Variants in CLVS2 observed in about 807,000 individuals in gnomAD.
The protein encoded by CLVS2 is clavesin 2.
CLVS2 carries 19 observed loss-of-function variants against 29.0 expected under a neutral mutation model. The ratio of observed to expected loss-of-function variants is 0.66; its 90% CI spans 0.46 to 0.96. The LOEUF is 0.96. Among genes scored for constraint, CLVS2 ranks in the 40% least tolerant of loss-of-function variants. The pLI, the probability that CLVS2 is intolerant of heterozygous loss-of-function variation, is 0.00. For missense variants in CLVS2, 294 were observed against 404.1 expected, an observed-to-expected ratio of 0.73 and a Z score of 2.34; for synonymous variants, 161 against 151.3, an observed-to-expected ratio of 1.06 and a Z score of -0.47.
At chr6:123,019,753 G>A (rs1343520685) in intron 3 of CLVS2, among the ~76,000 whole-genome samples, 2 of 152,048 alleles carry the variant, frequency 1.3e-5, no homozygotes, top group African/African-American at 4.8e-5. Flanking sequence ...ATAAGACGTT[G>A]GCTTATGCAG....
At chr6:123,031,607 A>G (rs1775084543) in intron 3 of CLVS2, among the ~76,000 whole-genome samples, 1 of 152,210 alleles carries the variant, frequency 6.6e-6, no homozygotes, top group South Asian at 2.1e-4. Flanking sequence ...GTCTGTGTCT[A>G]CCAAAACCCT....
At chr6:123,010,472 C>G (rs1448383270) in intron 2 of CLVS2, among the ~76,000 whole-genome samples, 2 of 152,032 alleles carry the variant, frequency 1.3e-5, no homozygotes, top group Non-Finnish European at 2.9e-5. Flanking sequence ...ATCTCCTTCT[C>G]TTTCTATCCC....
At chr6:123,027,818 G>A (rs1021121849) in intron 3 of CLVS2, among the ~76,000 whole-genome samples, 1 of 152,082 alleles carries the variant, frequency 6.6e-6, no homozygotes, top group Non-Finnish European at 1.5e-5. Flanking sequence ...AATTAAATAA[G>A]TTGTTATGCA....
chr6:123,030,996 A>G (rs1775076274), intron 3 of CLVS2, among the ~76,000 whole-genome samples: 1 of 151,774 alleles, frequency 6.6e-6, no homozygotes, highest in South Asian at 2.1e-4. Context: ...GCAGTGGCAC[A>G]ATCATGGCTC....
intron 5 of CLVS2, among the ~76,000 whole-genome samples, chr6:123,057,857 C>A (rs1772717116): frequency 2.0e-5 from 3 of 152,136 alleles, no homozygotes; most frequent in African/African-American, 7.2e-5. Context: ...TTCTCAAGAT[C>A]TCTGCTCTCC....
At chr6:123,024,614 G>A (rs891517660) in intron 3 of CLVS2, among the ~76,000 whole-genome samples, 1 of 152,194 alleles carries the variant, frequency 6.6e-6, no homozygotes, top group Admixed American at 6.6e-5. Context: ...ATACCCTGGA[G>A]GGTTCAATAT....
intron 3 of CLVS2, among the ~76,000 whole-genome samples, chr6:123,030,335 A>G (rs1434950936): frequency 6.6e-6 from 1 of 152,160 alleles, no homozygotes; most frequent in East Asian, 1.9e-4. Context: ...TTTAATCTTC[A>G]GTGGAGTCCC....
chr6:123,028,993 G>T (rs2114331043), intron 3 of CLVS2, among the ~76,000 whole-genome samples: 1 of 152,178 alleles, frequency 6.6e-6, no homozygotes, highest in South Asian at 2.1e-4. Context: ...GGTAAGATTA[G>T]TGCTCTTGTA....
chr6:123,064,696 A>G lies in CLVS2; in HGVS notation c.*935A>G. 6.6e-6 allele frequency: 1 copy of G among 151,834 alleles called. No individual in the cohort carries two copies. The highest frequency in any genetic ancestry group is 2.4e-5 in the African/African-American group (1 of 41,482). The allele number at this position is 151,834 out of a possible 1,614,324, so 9.4% of individuals were successfully genotyped here. A position where few individuals can be genotyped will look rare whatever the true frequency, so the allele number is the denominator to read the frequency against. Reference sequence around the variant, plus strand: ...TATATATATATATATATTCACACATATATATTTTTACTGAGCTCTAATAAA... The same window carrying G: ...TATATATATATATATATTCACACATGTATATTTTTACTGAGCTCTAATAAA... On this transcript the variant is annotated 3_prime_UTR_variant, in exon 6 of 6. Coordinates refer to ENST00000275162, the MANE Select transcript of CLVS2 (RefSeq NM_001010852.4).
At chr6:123,032,860 G>A (rs1342678302) in intron 3 of CLVS2, among the ~76,000 whole-genome samples, 1 of 152,020 alleles carries the variant, frequency 6.6e-6, no homozygotes, top group Non-Finnish European at 1.5e-5. Context: ...AGTTTCTTCA[G>A]GTATGAAATT....
chr6:122,997,912 C>A lies in CLVS2; in HGVS notation c.135C>A (p.Gly45=). The change falls in exon 2 of 6, where the codon GGC becomes GGA. Residue 45 remains glycine (G), a synonymous_variant. Coordinates refer to ENST00000275162, the MANE Select transcript of CLVS2 (RefSeq NM_001010852.4). ...RDMVITRPDI[G]FLRTDDAFIL... is the part of the protein sequence containing the mutation. ...TGGTCATCACCAGGCCGGACATTGG[C>A]TTTCTGCGCACGGATGATGCCTTCA... 1 of 1,614,216 alleles carries A rather than the reference C, an allele frequency of 6.2e-7. No individual in the cohort carries two copies. The highest frequency in any genetic ancestry group is 8.5e-7 in the Non-Finnish European group (1 of 1,180,050).
At chr6:123,003,583 A>T (rs1774621629) in intron 2 of CLVS2, among the ~76,000 whole-genome samples, 1 of 72,460 alleles carries the variant, frequency 1.4e-5, no homozygotes, top group African/African-American at 6.8e-5. Flanking sequence ...ATTAATTGAA[A>T]AAAATACACT....
At chr6:123,056,348 G>A (rs1772692853) in intron 5 of CLVS2, among the ~76,000 whole-genome samples, 1 of 151,996 alleles carries the variant, frequency 6.6e-6, no homozygotes, top group Non-Finnish European at 1.5e-5. Context: ...TGTACTTTTT[G>A]ATGAATATCT....
intron 3 of CLVS2, among the ~76,000 whole-genome samples, chr6:123,033,043 C>T (rs1327214181): frequency 6.6e-6 from 1 of 151,720 alleles, no homozygotes. Context: ...GATAATGTAT[C>T]TTTGACTCAG....
In CLVS2 at chr6:123,055,795, T is replaced by G. The variant is rs1044816761; in HGVS notation, c.676-11T>G. ...TGTCTTTCCCTTCCTCCCGTCTTCTTGCATTTATAGATATTTTTGCATGGT... is the reference window on the plus strand; with the variant it reads ...TGTCTTTCCCTTCCTCCCGTCTTCTGGCATTTATAGATATTTTTGCATGGT... On this transcript the variant is annotated splice_polypyrimidine_tract_variant and intron_variant, in intron 4 of 5. Transcript: ENST00000275162. 1.9e-6 allele frequency: 3 copies of G among 1,587,038 alleles called. No homozygotes were observed. Among genetic ancestry groups the G allele is most frequent in the Non-Finnish European group, 2.6e-6 (3 of 1,155,412 alleles).
intron 4 of CLVS2, among the ~76,000 whole-genome samples, chr6:123,050,426 AT>A (rs1772588611): frequency 6.6e-6 from 1 of 152,152 alleles, no homozygotes; most frequent in African/African-American, 2.4e-5. Flanking sequence ...TATTTTTCTC[AT>A]TTTATGGATG....
chr6:123,005,266 G>T (rs1483346467), intron 2 of CLVS2, among the ~76,000 whole-genome samples: 1 of 152,072 alleles, frequency 6.6e-6, no homozygotes, highest in Non-Finnish European at 1.5e-5. Context: ...TTACCACTCA[G>T]TAATATAAAA....
At chr6:123,016,858 T>C (rs1774842047) in intron 3 of CLVS2, among the ~76,000 whole-genome samples, 1 of 152,090 alleles carries the variant, frequency 6.6e-6, no homozygotes, top group Admixed American at 6.6e-5. Context: ...TGATCATTCA[T>C]GTGGAAGGCA....
intron 4 of CLVS2, among the ~76,000 whole-genome samples, chr6:123,049,403 A>C (rs6921898): frequency 0.1 from 15,172 of 152,120 alleles, 2,589 homozygotes; most frequent in African/African-American, 0.34. Flanking sequence ...TATTAAAATA[A>C]GTCTTGATGT....
Sources: gnomAD v4.1 joint callset for allele counts (sites outside exome capture counted in the v4.1 genomes callset) on GRCh38, gnomAD v4.1.1 for gene constraint, MANE v1.5 for transcripts, NCBI Gene and HGNC (gene_info 2026-07-23, HGNC 2026-07-21) for gene names.